The following VWC2L variants were observed in gnomAD, a reference collection of about 807,000 sequenced individuals.
VWC2L encodes von Willebrand factor C domain-containing protein 2-like.
In VWC2L, 10 loss-of-function variants were observed where a neutral mutation model predicts 21.6. The observed-to-expected ratio is 0.46, with a 90% CI of 0.29 to 0.78. VWC2L has a LOEUF of 0.78. Ranked by LOEUF, VWC2L falls within the 30% of genes least tolerant of loss-of-function variation. The pLI is 0.10. For missense variants in VWC2L, 209 were observed against 277.1 expected, an observed-to-expected ratio of 0.75 and a Z score of 1.74; for synonymous variants, 96 against 94.3, an observed-to-expected ratio of 1.02 and a Z score of -0.10.
chr2:214,483,883 G>A (rs1480845203), intron 3 of VWC2L, among the ~76,000 whole-genome samples: 1 of 152,168 alleles, frequency 6.6e-6, no homozygotes, highest in Non-Finnish European at 1.5e-5. Flanking sequence ...CATGAACTGA[G>A]TGGCTTGAAA....
In VWC2L at chr2:214,575,712, C is replaced by T; in HGVS notation, c.561C>T (p.Gly187=). ...CAGGAACGACGATAATTCCAGCTGG[C>T]ATTGAAGTGAAAGTGGACGAATGTA... ...CFAGTTIIPA[G]IEVKVDECNI... The change falls in exon 4 of 4, where the codon GGC becomes GGT. Residue 187 remains glycine (G), a synonymous_variant. Coordinates refer to ENST00000312504, the MANE Select transcript of VWC2L (RefSeq NM_001080500.4). 6 of 1,613,416 alleles carry T rather than the reference C, an allele frequency of 3.7e-6. No homozygotes were observed. The highest frequency in any genetic ancestry group is 4.2e-6 in the Non-Finnish European group (5 of 1,179,504).
At chr2:214,450,053 G>A (rs1276593820) in intron 3 of VWC2L, among the ~76,000 whole-genome samples, 2 of 152,140 alleles carry the variant, frequency 1.3e-5, no homozygotes, top group Non-Finnish European at 2.9e-5. Context: ...TTGAAATAGG[G>A]GCAAGATGCA....
At position 214,414,178 on chromosome 2, in the gene VWC2L, G is replaced by A. The variant is rs1359227744; in HGVS notation, c.-16G>A. 1.9e-6 allele frequency: 3 copies of A among 1,601,946 alleles called. No homozygotes were observed. The South Asian group carries it at 3.4e-5, about 18-fold the overall frequency. On this transcript the variant is annotated 5_prime_UTR_variant, in exon 2 of 4. Transcript: ENST00000312504. The stretch of plus-strand genomic sequence containing the variant: ...TTTAATATTAGGAGCACATCCAGAA[G>A]TCTTTGAAGAGGGGGATGGCTCTTC...
intron 3 of VWC2L, among the ~76,000 whole-genome samples, chr2:214,459,209 A>G (rs1470912000): frequency 1.3e-5 from 2 of 152,122 alleles, no homozygotes; most frequent in Non-Finnish European, 2.9e-5. Context: ...AGTCTGTTGT[A>G]TGTGACACAA....
intron 2 of VWC2L, among the ~76,000 whole-genome samples, chr2:214,419,368 T>C (rs1488683212): frequency 6.6e-6 from 1 of 152,202 alleles, no homozygotes; most frequent in African/African-American, 2.4e-5. Flanking sequence ...GGCTTAACTA[T>C]CTTAATGCTG....
chr2:214,540,548 T>C (rs1689609971), intron 3 of VWC2L, among the ~76,000 whole-genome samples: 2 of 152,208 alleles, frequency 1.3e-5, no homozygotes, highest in East Asian at 3.9e-4. Flanking sequence ...TCTTTAACTC[T>C]GGCCTATAAC....
intron 2 of VWC2L, among the ~76,000 whole-genome samples, chr2:214,426,926 C>T (rs897251666): frequency 4.6e-5 from 7 of 152,140 alleles, no homozygotes; most frequent in African/African-American, 1.7e-4. Flanking sequence ...TAGGGCTTGA[C>T]TGGTTTCATT....
chr2:214,458,622 A>G (rs1454516728), intron 3 of VWC2L, among the ~76,000 whole-genome samples: 3 of 152,024 alleles, frequency 2.0e-5, no homozygotes, highest in Non-Finnish European at 2.9e-5. Context: ...GGGTTTTGGT[A>G]TGTTGTGTTT....
At chr2:214,447,252 T>C (rs76322842) in intron 3 of VWC2L, among the ~76,000 whole-genome samples, 2,294 of 152,190 alleles carry the variant, frequency 0.015, 64 homozygotes, top group African/African-American at 0.052. Flanking sequence ...GAGAGCCTCA[T>C]TGAAGGTGCA....
chr2:214,565,710 T>C (rs976184963), intron 3 of VWC2L, among the ~76,000 whole-genome samples: 1 of 152,176 alleles, frequency 6.6e-6, no homozygotes, highest in African/African-American at 2.4e-5. Context: ...GTAATAACAA[T>C]AAGTAGAATC....
intron 3 of VWC2L, among the ~76,000 whole-genome samples, chr2:214,521,119 G>C (rs1473890047): frequency 6.6e-6 from 1 of 151,924 alleles, no homozygotes; most frequent in African/African-American, 2.4e-5. Flanking sequence ...CAGCTACTCG[G>C]GAGGCTGAGG....
At chr2:214,449,832 G>T (rs190087843) in intron 3 of VWC2L, among the ~76,000 whole-genome samples, 1 of 152,176 alleles carries the variant, frequency 6.6e-6, no homozygotes, top group African/African-American at 2.4e-5. Flanking sequence ...AAATGCTACT[G>T]TTTGTCAGGG....
At chr2:214,517,261 G>A (rs1176583191) in intron 3 of VWC2L, among the ~76,000 whole-genome samples, 2 of 152,044 alleles carry the variant, frequency 1.3e-5, no homozygotes, top group African/African-American at 4.8e-5. Context: ...CCTATGTATG[G>A]GCATTACCAA....
chr2:214,456,188 C>T (rs1406383071), intron 3 of VWC2L, among the ~76,000 whole-genome samples: 1 of 149,524 alleles, frequency 6.7e-6, no homozygotes, highest in African/African-American at 2.4e-5. Context: ...TCTCTTCATC[C>T]TCACCAGCAT....
chr2:214,482,565 A>C (rs534829331), intron 3 of VWC2L, among the ~76,000 whole-genome samples: 25 of 150,508 alleles, frequency 1.7e-4, no homozygotes, highest in Admixed American at 2.7e-4. Flanking sequence ...ATATATATAT[A>C]TCTCTCCAAA....
chr2:214,515,657 G>T (rs751196709), intron 3 of VWC2L, among the ~76,000 whole-genome samples: 1 of 152,118 alleles, frequency 6.6e-6, no homozygotes. Context: ...AGGTTCCAGC[G>T]ATTCTCCTGC....
chr2:214,511,222 G>A (rs967314966), intron 3 of VWC2L, among the ~76,000 whole-genome samples: 3 of 152,034 alleles, frequency 2.0e-5, no homozygotes, highest in Non-Finnish European at 4.4e-5. Context: ...CCATGTTCAT[G>A]CCACTGTACT....
At chr2:214,448,230 T>C (rs1481645815) in intron 3 of VWC2L, among the ~76,000 whole-genome samples, 1 of 152,238 alleles carries the variant, frequency 6.6e-6, no homozygotes, top group African/African-American at 2.4e-5. Flanking sequence ...ATTCTTACTA[T>C]GTACAACACA....
At position 214,449,362 on chromosome 2, in the gene VWC2L, A is replaced by T. The variant is rs60633974; in HGVS notation, c.520+12604A>T. On this transcript the variant is annotated intron_variant, in intron 3 of 3. Transcript: ENST00000312504. ...GCCATGAGCATTGATGAAATATGTG[A>T]TTTGAAACATTTTGGTAAAATCAAC... 3.1e-3 allele frequency among the ~76,000 whole-genome samples: 466 copies of T among 152,316 alleles called. 2 individuals carry two copies. Among genetic ancestry groups the T allele is most frequent in the African/African-American group, 0.011 (443 of 41,586 alleles).
Sources: gnomAD v4.1 joint callset for allele counts (sites outside exome capture counted in the v4.1 genomes callset) on GRCh38, gnomAD v4.1.1 for gene constraint, MANE v1.5 for transcripts, NCBI Gene and HGNC (gene_info 2026-07-23, HGNC 2026-07-21) for gene names.